JMJD1C: variants seen among roughly 807,000 people sequenced by gnomAD.
JMJD1C encodes the protein jumonji domain-containing protein 1C.
In JMJD1C, 31 loss-of-function variants were observed where a neutral mutation model predicts 245.3. That is an observed-to-expected ratio of 0.13 (90% CI 0.09 to 0.17). JMJD1C has a LOEUF of 0.17. Ranked by LOEUF, JMJD1C falls within the 10% of genes least tolerant of loss-of-function variation. The pLI is 1.00. For synonymous variants in JMJD1C, 1,057 were observed against 1,017.4 expected (o/e 1.04, Z -0.74); for missense variants, 2,691 against 3,000.2 (o/e 0.90, Z 2.41).
intron 2 of JMJD1C, among the ~76,000 whole-genome samples, chr10:63,280,460 G>C (rs975575197): frequency 2.6e-5 from 4 of 152,110 alleles, no homozygotes; most frequent in African/African-American, 4.8e-5. Flanking sequence ...TGAGGCAGGA[G>C]AATAGCTTGA....
chr10:63,504,698 C>CT (rs1954663418), intron 1 of JMJD1C, among the ~76,000 whole-genome samples: 1 of 152,000 alleles, frequency 6.6e-6, no homozygotes, highest in South Asian at 2.1e-4. Context: ...CATTTGTGCA[C>CT]TAAAAAGGCC....
intron 1 of JMJD1C, among the ~76,000 whole-genome samples, chr10:63,422,080 A>G (rs568752293): frequency 2.0e-5 from 3 of 152,320 alleles, no homozygotes; most frequent in South Asian, 2.1e-4. Flanking sequence ...GAGATCATAG[A>G]AGAGAGAGAC....
At chr10:63,177,941 G>T in intron 22 of JMJD1C, 85 bp from the exon 23 acceptor site, 1 of 1,406,406 alleles carries the variant, frequency 7.1e-7, no homozygotes, top group Non-Finnish European at 9.7e-7. Context: ...CAGAGCAGCA[G>T]AGTGCCTGAC....
intron 1 of JMJD1C, among the ~76,000 whole-genome samples, chr10:63,416,490 A>G (rs1218853865): frequency 6.6e-6 from 1 of 152,130 alleles, no homozygotes; most frequent in Non-Finnish European, 1.5e-5. Context: ...AATAATTTAA[A>G]CATTTCTTTG....
intron 12 of JMJD1C, among the ~76,000 whole-genome samples, chr10:63,198,125 A>C (rs1420555667): frequency 6.6e-6 from 1 of 152,240 alleles, no homozygotes; most frequent in Non-Finnish European, 1.5e-5. Flanking sequence ...TATTTTCCAG[A>C]CCTGCCTGAT....
chr10:63,391,522 A>G (rs1948057456), intron 1 of JMJD1C, among the ~76,000 whole-genome samples: 1 of 151,772 alleles, frequency 6.6e-6, no homozygotes, highest in Admixed American at 6.6e-5. Flanking sequence ...CAACAACAAC[A>G]ACAACAACAA....
chr10:63,209,393 TATG>T (rs1438255492), intron 8 of JMJD1C, among the ~76,000 whole-genome samples, 158 bp from the exon 9 acceptor site: 1 of 152,170 alleles, frequency 6.6e-6, no homozygotes, highest in East Asian at 1.9e-4. Context: ...AAATACATCT[TATG>T]AGAAATATTC....
chr10:63,410,039 A>T (rs757316498), intron 1 of JMJD1C, among the ~76,000 whole-genome samples: 1 of 152,202 alleles, frequency 6.6e-6, no homozygotes, highest in Admixed American at 6.5e-5. Flanking sequence ...AAAAGATCAT[A>T]TAAGGAAGTG....
chr10:63,517,276 G>C (rs1955049682), intron 1 of JMJD1C, among the ~76,000 whole-genome samples: 1 of 152,118 alleles, frequency 6.6e-6, no homozygotes, highest in African/African-American at 2.4e-5. Flanking sequence ...GCTAATAAAT[G>C]AACTCTTTTA....
At position 63,465,889 on chromosome 10, in the gene JMJD1C, G is replaced by C. The variant is rs1164076780; in HGVS notation, c.-227C>G. ...CAGATTCGCAGCCTTGTGCTGCAGC[G>C]CCACACAAGAAAACTGAAACAAAAC... On this transcript the variant is annotated 5_prime_UTR_variant, in exon 1 of 26. Transcript: ENST00000399262. 1.5e-6 allele frequency: 1 copy of C among 660,408 alleles called. No homozygotes were observed. The highest frequency in any genetic ancestry group is 2.7e-6 in the Non-Finnish European group (1 of 364,734). The allele number at this position is 660,408 out of a possible 1,614,324, so 40.9% of individuals were successfully genotyped here.
At chr10:63,441,017 TC>T (rs1348905229) in intron 1 of JMJD1C, among the ~76,000 whole-genome samples, 2 of 152,130 alleles carry the variant, frequency 1.3e-5, no homozygotes, top group African/African-American at 4.8e-5. Context: ...AGGGAAAACT[TC>T]CTGGAAGAAC....
intron 18 of JMJD1C, among the ~76,000 whole-genome samples, chr10:63,186,609 G>T (rs116308213): frequency 5.8e-4 from 88 of 152,234 alleles, no homozygotes; most frequent in African/African-American, 1.7e-3. Context: ...CTCTGAAAGT[G>T]AATGTCTCCT....
chr10:63,187,329 A>G (rs540318894), intron 18 of JMJD1C, among the ~76,000 whole-genome samples: 1 of 152,312 alleles, frequency 6.6e-6, no homozygotes, highest in Non-Finnish European at 1.5e-5. Flanking sequence ...TATTGCTGCT[A>G]TTAGGGTAAT....
At chr10:63,430,550 CAA>C (rs1950686262) in intron 1 of JMJD1C, among the ~76,000 whole-genome samples, 1 of 152,050 alleles carries the variant, frequency 6.6e-6, no homozygotes, top group South Asian at 2.1e-4. Context: ...TCCATAGAGA[CAA>C]GAGAGTAGAT....
At chr10:63,179,732 C>A (rs1433768227) in intron 22 of JMJD1C, among the ~76,000 whole-genome samples, 2 of 151,238 alleles carry the variant, frequency 1.3e-5, no homozygotes, top group Non-Finnish European at 2.9e-5. Context: ...GAGTCTGTAC[C>A]ACTGCACTCC....
chr10:63,196,682 A>G (rs12762115), intron 13 of JMJD1C, among the ~76,000 whole-genome samples: 30,704 of 152,230 alleles, frequency 0.2, 4,068 homozygotes, highest in Non-Finnish European at 0.29. Context: ...TGTTTCCACA[A>G]TATTAATCCT....
chr10:63,264,590 T>C (rs1855295627), intron 3 of JMJD1C, 61 bp downstream of exon 3: 2 of 746,448 alleles, frequency 2.7e-6, no homozygotes, highest in Non-Finnish European at 4.5e-6. Context: ...TTAAAGAATG[T>C]CTGAATATCA....
At chr10:63,454,589 C>A (rs10995538) in intron 1 of JMJD1C, among the ~76,000 whole-genome samples, 6,277 of 152,234 alleles carry the variant, frequency 0.041, 189 homozygotes, top group Non-Finnish European at 0.062. Context: ...CACCACCACA[C>A]CCAGTTAATT....
At chr10:63,189,632 G>C (rs1805513012) in intron 17 of JMJD1C, among the ~76,000 whole-genome samples, 186 bp from the exon 18 acceptor site, 1 of 152,006 alleles carries the variant, frequency 6.6e-6, no homozygotes, top group South Asian at 2.1e-4. Context: ...AGAACTGCCA[G>C]GTCTGAAAAA....
Sources: allele counts gnomAD v4.1 joint callset (sites outside exome capture counted in the v4.1 genomes callset), GRCh38; gene constraint gnomAD v4.1.1; transcripts MANE v1.5; gene names NCBI Gene and HGNC (gene_info 2026-07-23, HGNC 2026-07-21).